STPG2: variants seen among roughly 807,000 people sequenced by gnomAD.
The protein encoded by STPG2 is sperm-tail PG-rich repeat-containing protein 2.
Under a neutral mutation model 54.2 loss-of-function variants are expected in STPG2, and 56 were observed. That is an observed-to-expected ratio of 1.03 (90% CI 0.83 to 1.29). The LOEUF is 1.29. Ranked by LOEUF, STPG2 falls within the 50% of genes most tolerant of loss-of-function variation. The pLI, the probability that STPG2 is intolerant of heterozygous loss-of-function variation, is 0.00. For missense variants in STPG2, 596 were observed against 544.9 expected, an observed-to-expected ratio of 1.09 and a Z score of -0.93; for synonymous variants, 200 against 181.8, an observed-to-expected ratio of 1.10 and a Z score of -0.81.
rs953204632 is a variant in STPG2, at chr4:97,919,293, GAAA to G, written c.1044+24601_1044+24603del. Among the ~76,000 whole-genome samples the G allele has an allele frequency of 6.8e-5, 10 of 146,544 alleles. No homozygotes were observed. In the South Asian group the frequency reaches 1.7e-3, roughly 25 times the overall value. ...ATTTAGGGTTCATTTTAAGAAACTAGAAAAAAAACAAATGAAAATCACAAGAAA... is the reference window on the plus strand; with the variant it reads ...ATTTAGGGTTCATTTTAAGAAACTAGAAAAACAAATGAAAATCACAAGAAA... On this transcript the variant is annotated intron_variant, in intron 8 of 10. Coordinates refer to ENST00000295268, the MANE Select transcript of STPG2 (RefSeq NM_174952.3).
chr4:98,004,775 T>C (rs1259780009), intron 5 of STPG2, among the ~76,000 whole-genome samples: 1 of 152,150 alleles, frequency 6.6e-6, no homozygotes, highest in Non-Finnish European at 1.5e-5. Flanking sequence ...CTGTTGGCCA[T>C]TTGTATTTCT....
intron 10 of STPG2, among the ~76,000 whole-genome samples, chr4:97,679,215 T>C (rs1299688577): frequency 6.6e-6 from 1 of 152,238 alleles, no homozygotes; most frequent in Non-Finnish European, 1.5e-5. Context: ...ACTTCCACAA[T>C]GGTTGAACTA....
chr4:97,527,713 T>C (rs1385749696), intron 4 of STPG2, among the ~76,000 whole-genome samples: 2 of 152,202 alleles, frequency 1.3e-5, no homozygotes, highest in Admixed American at 1.3e-4. Context: ...AGATGGTATT[T>C]CATTGTTGTT....
At chr4:98,032,339 A>G (rs1736623635) in intron 5 of STPG2, among the ~76,000 whole-genome samples, 1 of 152,210 alleles carries the variant, frequency 6.6e-6, no homozygotes, top group African/African-American at 2.4e-5. Context: ...CAACGAGTGG[A>G]AAAAGAAACT....
intron 10 of STPG2, among the ~76,000 whole-genome samples, chr4:97,568,419 G>C (rs1370490341): frequency 6.6e-6 from 1 of 152,036 alleles, no homozygotes; most frequent in African/African-American, 2.4e-5. Context: ...TAGTGGAAGG[G>C]AGAAAGACAA....
intron 5 of STPG2, among the ~76,000 whole-genome samples, chr4:98,080,257 T>A (rs550250381): frequency 5.1e-4 from 77 of 152,310 alleles, no homozygotes; most frequent in African/African-American, 1.7e-3. Context: ...TAAATTTTAC[T>A]TTATTTACCT....
Position 97,445,106 on chromosome 4 carries a change from A to G in STPG2, c.463-257273T>C, listed in dbSNP as rs184959127. On this transcript the variant is annotated intron_variant, in intron 4 of 4. Transcript: ENST00000522676. ...GGAGTCAACAGATATAAAATTGAAA[A>G]TGATAAAAATAATAAGTTGAGGCTG... Among the ~76,000 whole-genome samples the G allele has an allele frequency of 2.5e-3, 374 of 152,322 alleles. 1 individual carries two copies. The highest frequency in any genetic ancestry group is 4.7e-3 in the Non-Finnish European group (321 of 68,026).
chr4:97,700,472 A>G (rs1479235182), intron 10 of STPG2, among the ~76,000 whole-genome samples: 1 of 152,202 alleles, frequency 6.6e-6, no homozygotes, highest in Admixed American at 6.5e-5. Context: ...CCTTAACCTT[A>G]GAAGGAATAT....
chr4:97,787,929 T>C (rs2149077844), intron 9 of STPG2, among the ~76,000 whole-genome samples: 1 of 151,916 alleles, frequency 6.6e-6, no homozygotes, highest in South Asian at 2.1e-4. Context: ...TCTTTTTAAT[T>C]ATATTTTTAA....
Position 97,632,737 on chromosome 4 carries a change from T to G in STPG2, c.1321-73620A>C, listed in dbSNP as rs189543077. ...TGAGATACAGAATGTATTTTCAATG[T>G]GACCAAGACCAGGAAGGGAAGTGGA... On this transcript the variant is annotated intron_variant, in intron 10 of 10. Transcript: ENST00000295268. Among the ~76,000 whole-genome samples the G allele has an allele frequency of 1.3e-3, 192 of 152,270 alleles. 2 individuals are homozygous for G. The highest frequency in any genetic ancestry group is 4.1e-3 in the South Asian group (20 of 4,822).
intron 9 of STPG2, among the ~76,000 whole-genome samples, chr4:97,761,186 T>A (rs1235058860): frequency 6.6e-6 from 1 of 152,166 alleles, no homozygotes; most frequent in Non-Finnish European, 1.5e-5. Flanking sequence ...ACCTTGAAAT[T>A]CCAACTCACA....
At chr4:97,452,312 T>A (rs1729398341) in intron 4 of STPG2, among the ~76,000 whole-genome samples, 1 of 151,932 alleles carries the variant, frequency 6.6e-6, no homozygotes, top group Non-Finnish European at 1.5e-5. Flanking sequence ...CAAAGTCAGG[T>A]GGAGCCTGGG....
At chr4:97,861,800 G>C (rs926440712) in intron 8 of STPG2, among the ~76,000 whole-genome samples, 5 of 152,090 alleles carry the variant, frequency 3.3e-5, no homozygotes, top group Admixed American at 2.6e-4. Flanking sequence ...TTTCAACCCA[G>C]AATTTCATAT....
intron 10 of STPG2, among the ~76,000 whole-genome samples, chr4:97,629,260 C>A (rs895544949): frequency 1.7e-4 from 26 of 151,814 alleles, no homozygotes; most frequent in Non-Finnish European, 1.5e-4. Context: ...TATAAGAAAG[C>A]AAACTACTTT....
intron 8 of STPG2, among the ~76,000 whole-genome samples, chr4:97,921,054 C>G (rs76034507): frequency 2.6e-5 from 4 of 152,116 alleles, no homozygotes; most frequent in African/African-American, 7.2e-5. Context: ...GGGTGTAACA[C>G]AGAAATAATA....
At chr4:98,079,328 T>C (rs1738266741) in intron 5 of STPG2, among the ~76,000 whole-genome samples, 1 of 152,218 alleles carries the variant, frequency 6.6e-6, no homozygotes, top group East Asian at 1.9e-4. Flanking sequence ...AAGGGCAGTG[T>C]TGGCAATAAT....
At chr4:97,465,876 G>A (rs142067428) in intron 4 of STPG2, among the ~76,000 whole-genome samples, 2 of 152,032 alleles carry the variant, frequency 1.3e-5, no homozygotes, top group East Asian at 1.9e-4. Context: ...CAGAGACAGA[G>A]GGTGAACTGT....
intron 5 of STPG2, among the ~76,000 whole-genome samples, chr4:98,021,792 G>T (rs1475951890): frequency 6.6e-6 from 1 of 151,610 alleles, no homozygotes; most frequent in Non-Finnish European, 1.5e-5. Context: ...TGTCTCTTTT[G>T]ATCTTTGTTG....
intron 6 of STPG2, 35 bp downstream of exon 6, chr4:97,981,124 G>A (rs2149263016): frequency 6.3e-7 from 1 of 1,595,110 alleles, no homozygotes; most frequent in East Asian, 2.2e-5. Flanking sequence ...TCTTTATAAA[G>A]CCAAAGAGTA....
Sources: gnomAD v4.1 joint callset for allele counts (sites outside exome capture counted in the v4.1 genomes callset) on GRCh38, gnomAD v4.1.1 for gene constraint, MANE v1.5 for transcripts, NCBI Gene and HGNC (gene_info 2026-07-23, HGNC 2026-07-21) for gene names.